Variants in CACNA1H observed in about 807,000 individuals in gnomAD.
CACNA1H encodes voltage-dependent T-type calcium channel subunit alpha-1H.
A neutral mutation model predicts 192.5 loss-of-function variants in CACNA1H; 149 were observed. The ratio of observed to expected loss-of-function variants is 0.77; its 90% confidence interval spans 0.68 to 0.89. CACNA1H has a LOEUF of 0.89. Ranked by LOEUF, CACNA1H falls within the 40% of genes least tolerant of loss-of-function variation. The pLI is 0.00. For missense variants in CACNA1H, 4,257 were observed against 3,423.5 expected (o/e 1.24, Z -6.08); for synonymous variants, 2,202 against 1,475.2 (o/e 1.49, Z -11.29).
rs750604868 is a variant in CACNA1H at position 1,210,836 on chromosome 16, G to T, written c.4088G>T (p.Ser1363Ile). 6.2e-7 allele frequency: 1 copy of T among 1,604,542 alleles called. No individual in the cohort carries two copies. Among genetic ancestry groups the T allele is most frequent in the Admixed American group, 1.7e-5 (1 of 60,022 alleles). Residue 1363 changes from serine (S) to isoleucine (I), a missense_variant, in exon 21 of 35, where the codon AGC (serine) becomes ATC (isoleucine). Coordinates refer to ENST00000348261, the MANE Select transcript of CACNA1H (RefSeq NM_021098.3). The stretch of plus-strand genomic sequence containing the variant: ...GGCGAGCACGCCTACCTGCAGAGCA[G>T]CTGGAACCTGCTGGATGGGCTGCTG... ...LSGEHAYLQS[S>I]WNLLDGLLVL...
intron 2 of CACNA1H, among the ~76,000 whole-genome samples, chr16:1,163,027 G>A (rs1037253865): frequency 2.0e-5 from 3 of 152,248 alleles, no homozygotes; most frequent in Admixed American, 6.5e-5. Context: ...CTGCCTGCCT[G>A]GACCTTGGGC....
At chr16:1,165,999 C>T (rs1047907277) in intron 2 of CACNA1H, among the ~76,000 whole-genome samples, 17 of 152,200 alleles carry the variant, frequency 1.1e-4, no homozygotes, top group Admixed American at 9.8e-4. Flanking sequence ...GCTGAGGTCC[C>T]TTCTCGGTCC....
At chr16:1,171,401 C>T (rs114559750) in intron 2 of CACNA1H, among the ~76,000 whole-genome samples, 2,798 of 152,284 alleles carry the variant, frequency 0.018, 64 homozygotes, top group African/African-American at 0.049. Context: ...TCACTGGGTT[C>T]CCGGGCAGAG....
intron 30 of CACNA1H, among the ~76,000 whole-genome samples, chr16:1,215,991 C>T (rs1434859400): frequency 6.6e-6 from 1 of 152,032 alleles, no homozygotes; most frequent in Non-Finnish European, 1.5e-5. Flanking sequence ...CCCAGCCTCC[C>T]TGCTTCCTGT....
At chr16:1,208,636 C>A (rs1482869012) in intron 16 of CACNA1H, among the ~76,000 whole-genome samples, 1 of 152,168 alleles carries the variant, frequency 6.6e-6, no homozygotes, top group Non-Finnish European at 1.5e-5. Flanking sequence ...GAAACGAACT[C>A]CAGGCAGTAC....
Position 1,168,874 on chromosome 16 carries a change from A to G in CACNA1H, c.299+14838A>G, listed in dbSNP as rs574616393. Among the ~76,000 whole-genome samples, 136 of 151,902 alleles carry G rather than the reference A, an allele frequency of 9.0e-4. 1 individual carries two copies. Among genetic ancestry groups the G allele is most frequent in the African/African-American group, 3.2e-3 (132 of 41,452 alleles). On this transcript the variant is annotated intron_variant, in intron 2 of 34. Transcript: ENST00000348261. Reference sequence around the variant, plus strand: ...TCCTCCTCAGCCCGCTCCCCACTTTAGGGGCCGCAGGGGGTGCCCCGCTCT... The same window carrying G: ...TCCTCCTCAGCCCGCTCCCCACTTTGGGGGCCGCAGGGGGTGCCCCGCTCT...
intron 2 of CACNA1H, 132 bp downstream of exon 2, chr16:1,154,168 G>A (rs1052336679): frequency 4.8e-5 from 29 of 599,954 alleles, no homozygotes; most frequent in Admixed American, 9.1e-5. Context: ...CGGGCGCGCG[G>A]GGGTGCAGGG....
chr16:1,155,913 C>A (rs1177286066), intron 2 of CACNA1H, among the ~76,000 whole-genome samples: 1 of 152,112 alleles, frequency 6.6e-6, no homozygotes. Context: ...GAGGAGCTGT[C>A]CTTTTGGGCT....
At chr16:1,209,001 C>T (rs1969098082) in intron 16 of CACNA1H, 31 bp from the exon 17 acceptor site, 4 of 1,469,960 alleles carry the variant, frequency 2.7e-6, no homozygotes, top group Non-Finnish European at 3.6e-6. Flanking sequence ...ATAGTGATGC[C>T]ACCAGGTCAC....
intron 2 of CACNA1H, among the ~76,000 whole-genome samples, chr16:1,164,545 C>T (rs1010277734): frequency 2.6e-5 from 4 of 152,222 alleles, no homozygotes; most frequent in Non-Finnish European, 5.9e-5. Flanking sequence ...GCTAAGTGGC[C>T]ATCAGGTGGG....
intron 31 of CACNA1H, 52 bp downstream of exon 31, chr16:1,217,062 C>T (rs1377697219): frequency 2.1e-6 from 3 of 1,455,166 alleles, no homozygotes; most frequent in Admixed American, 2.0e-5. Flanking sequence ...CTGACAGGCG[C>T]CCCTGTGCCC....
intron 11 of CACNA1H, among the ~76,000 whole-genome samples, chr16:1,205,820 G>A (rs1269806243): frequency 6.6e-6 from 1 of 152,210 alleles, no homozygotes; most frequent in Non-Finnish European, 1.5e-5. Flanking sequence ...GCCCAGGATA[G>A]GAGAGCGCCC....
chr16:1,160,230 G>A (rs927812546), intron 2 of CACNA1H: 6 of 152,260 alleles, frequency 3.9e-5, no homozygotes, highest in African/African-American at 7.2e-5. Context: ...CTCGTCAGTG[G>A]GCATTCCCCT....
At chr16:1,186,926 CG>C (rs1966127113) in intron 2 of CACNA1H, among the ~76,000 whole-genome samples, 1 of 152,152 alleles carries the variant, frequency 6.6e-6, no homozygotes, top group African/African-American at 2.4e-5. Flanking sequence ...GGGGTGGACA[CG>C]GACACAGGGC....
chr16:1,212,304 G>A (rs1486065569), intron 25 of CACNA1H, 166 bp downstream of exon 25: 2 of 1,198,050 alleles, frequency 1.7e-6, no homozygotes, highest in Non-Finnish European at 2.3e-6. Flanking sequence ...GGCCCGAGAG[G>A]GCCGTCGGGG....
intron 2 of CACNA1H, among the ~76,000 whole-genome samples, chr16:1,175,971 G>C (rs1487941264): frequency 6.6e-6 from 1 of 152,182 alleles, no homozygotes. Context: ...CCTGGCCTGG[G>C]GGCTGCCATG....
In CACNA1H at chr16:1,211,355, C is replaced by T; in HGVS notation, c.4350+61C>T. ...TCGCAGACAGGGTCTGCCTTCCCAG[C>T]GTGGCTCCCAGCAGCGCCGCTGCGG... On this transcript the variant is annotated intron_variant, in intron 22 of 34. Transcript: ENST00000348261. 9.3e-6 allele frequency: 15 copies of T among 1,608,468 alleles called. 1 individual carries two copies. Among genetic ancestry groups the T allele is most frequent in the East Asian group, 8.9e-5 (4 of 44,776 alleles).
chr16:1,205,345 C>A, intron 11 of CACNA1H, 80 bp downstream of exon 11: 1 of 1,415,452 alleles, frequency 7.1e-7, no homozygotes, highest in Non-Finnish European at 9.7e-7. Context: ...CAGAGCAAAA[C>A]CCAGAGCACA....
At chr16:1,200,162 A>C (rs1967656108) in intron 6 of CACNA1H, 94 bp from the exon 7 acceptor site, 1 of 1,012,428 alleles carries the variant, frequency 9.9e-7, no homozygotes, top group Non-Finnish European at 1.4e-6. Flanking sequence ...CACGTCCCTG[A>C]CCTTGATCAC....
Sources: allele counts gnomAD v4.1 joint callset (sites outside exome capture counted in the v4.1 genomes callset), GRCh38; gene constraint gnomAD v4.1.1; transcripts MANE v1.5; gene names NCBI Gene and HGNC (gene_info 2026-07-23, HGNC 2026-07-21).